ROBO2: variants seen among roughly 807,000 people sequenced by gnomAD.
ROBO2 encodes the protein roundabout homolog 2.
Under a neutral mutation model 160.8 loss-of-function variants are expected in ROBO2, and 53 were observed. The observed-to-expected ratio is 0.33, with a 90% CI of 0.26 to 0.41. The LOEUF (loss-of-function observed/expected upper bound fraction) is 0.41. Among genes scored for constraint, ROBO2 ranks in the 10% least tolerant of loss-of-function variants. ROBO2 has a pLI of 1.00. For missense variants in ROBO2, 1,577 were observed against 1,722.4 expected (o/e 0.92, Z 1.49); for synonymous variants, 664 against 611.7 (o/e 1.09, Z -1.26).
intron 2 of ROBO2, among the ~76,000 whole-genome samples, chr3:75,956,279 G>A (rs1948720340): frequency 6.6e-6 from 1 of 151,832 alleles, no homozygotes; most frequent in South Asian, 2.1e-4. Flanking sequence ...TATGTACTCT[G>A]TGTCCGTCCT....
At chr3:76,520,484 T>C (rs2081552098) in intron 2 of ROBO2, among the ~76,000 whole-genome samples, 1 of 152,130 alleles carries the variant, frequency 6.6e-6, no homozygotes, top group South Asian at 2.1e-4. Flanking sequence ...TGATAAGTAG[T>C]ATAGCATCCT....
chr3:77,469,831 C>A (rs907876762), intron 2 of ROBO2, among the ~76,000 whole-genome samples: 1 of 152,160 alleles, frequency 6.6e-6, no homozygotes, highest in Non-Finnish European at 1.5e-5. Flanking sequence ...CAGCACACAT[C>A]TTGAAGGAGA....
At position 76,472,280 on chromosome 3, in the gene ROBO2, T is replaced by A. The variant is rs181110620; in HGVS notation, c.109+534678T>A. On this transcript the variant is annotated intron_variant, in intron 2 of 26. Transcript: ENST00000487694. ...AAATAATATGTGTTTATATATAAAG[T>A]CTCAAATATTTTTGTTGTTTTTAAA... Among the ~76,000 whole-genome samples, 6 of 152,266 alleles carry A rather than the reference T, an allele frequency of 3.9e-5. No individual in the cohort carries two copies. The East Asian group carries it at 1.2e-3, about 29-fold the overall frequency.
At chr3:76,169,100 G>A (rs952045946) in intron 2 of ROBO2, among the ~76,000 whole-genome samples, 7 of 152,026 alleles carry the variant, frequency 4.6e-5, no homozygotes, top group Non-Finnish European at 1.5e-5. Context: ...TATGCTGCTA[G>A]AAGAAATTCA....
intron 2 of ROBO2, among the ~76,000 whole-genome samples, chr3:77,455,353 T>C (rs1310393770): frequency 6.6e-6 from 1 of 152,224 alleles, no homozygotes; most frequent in African/African-American, 2.4e-5. Flanking sequence ...GGAAAAATTA[T>C]GACACTAAAA....
intron 1 of ROBO2, among the ~76,000 whole-genome samples, chr3:77,078,096 T>G (rs367936069): frequency 2.6e-5 from 4 of 152,258 alleles, no homozygotes; most frequent in African/African-American, 9.6e-5. Flanking sequence ...TTGACTACAT[T>G]TTATTTCCAC....
intron 2 of ROBO2, among the ~76,000 whole-genome samples, chr3:76,453,105 T>A (rs1001553648): frequency 9.2e-5 from 14 of 151,668 alleles, no homozygotes; most frequent in African/African-American, 3.4e-4. Context: ...GTTGCAAAAA[T>A]TTTCTCCCAT....
chr3:76,819,608 G>A (rs2065949307), intron 2 of ROBO2, among the ~76,000 whole-genome samples: 1 of 151,954 alleles, frequency 6.6e-6, no homozygotes, highest in Non-Finnish European at 1.5e-5. Flanking sequence ...AACATGGCAG[G>A]CATTCATTGT....
In ROBO2 at chr3:76,588,638, C is replaced by T. The variant is rs1457919301; in HGVS notation, c.110-509376C>T. Among the ~76,000 whole-genome samples the T allele has an allele frequency of 3.9e-5, 6 of 152,182 alleles. No homozygotes were observed. The East Asian group carries it at 7.7e-4, about 20-fold the overall frequency. ...ATAGTGTTATTTAATATAAAGATGTCTTATGTAGAGGCATTCAATGTGATA... is the reference window on the plus strand; with the variant it reads ...ATAGTGTTATTTAATATAAAGATGTTTTATGTAGAGGCATTCAATGTGATA... On this transcript the variant is annotated intron_variant, in intron 2 of 26. Coordinates refer to the ROBO2 transcript ENST00000487694.
At chr3:76,231,577 T>C (rs1308384777) in intron 2 of ROBO2, among the ~76,000 whole-genome samples, 3 of 152,204 alleles carry the variant, frequency 2.0e-5, no homozygotes, top group Non-Finnish European at 4.4e-5. Flanking sequence ...TATTATGAGA[T>C]TGGGATTTGG....
At chr3:76,325,011 A>T (rs1382999492) in intron 2 of ROBO2, among the ~76,000 whole-genome samples, 1 of 152,200 alleles carries the variant, frequency 6.6e-6, no homozygotes, top group Non-Finnish European at 1.5e-5. Context: ...AGGCTGAGGC[A>T]GGAGAATGGC....
rs1244176672 is a variant in ROBO2, at chr3:77,598,031, T to C, written c.2854+1281T>C. 2.6e-5 allele frequency among the ~76,000 whole-genome samples: 4 copies of C among 151,956 alleles called. No homozygotes were observed. The East Asian group carries it at 7.8e-4, about 29-fold the overall frequency. Reference sequence around the variant, plus strand: ...TGAAGAATGGAGTAACGGTAGAAAATTGGAGTGATTAATTAGAATAGTGCT... The same window carrying C: ...TGAAGAATGGAGTAACGGTAGAAAACTGGAGTGATTAATTAGAATAGTGCT... On this transcript the variant is annotated intron_variant, in intron 19 of 25. Coordinates refer to ENST00000461745, the Ensembl canonical transcript of ROBO2.
chr3:77,541,609 G>A (rs2092464426), intron 6 of ROBO2, among the ~76,000 whole-genome samples: 1 of 152,102 alleles, frequency 6.6e-6, no homozygotes, highest in African/African-American at 2.4e-5. Context: ...TTTCCTTATA[G>A]AGCTATTGTT....
chr3:77,076,566 T>C (rs2068031096), intron 1 of ROBO2, among the ~76,000 whole-genome samples: 1 of 152,136 alleles, frequency 6.6e-6, no homozygotes, highest in African/African-American at 2.4e-5. Context: ...AAGCTATGTC[T>C]CACCAACCAC....
chr3:76,827,543 G>A (rs2066693342), intron 2 of ROBO2, among the ~76,000 whole-genome samples: 1 of 152,094 alleles, frequency 6.6e-6, no homozygotes, highest in African/African-American at 2.4e-5. Flanking sequence ...GGAAACAGAA[G>A]TATAGAAAGT....
chr3:76,980,063 A>AGG (rs2060018153), intron 2 of ROBO2, among the ~76,000 whole-genome samples: 1 of 152,190 alleles, frequency 6.6e-6, no homozygotes, highest in Non-Finnish European at 1.5e-5. Flanking sequence ...ACCATACTGC[A>AGG]GGAAATAACT....
chr3:76,636,090 A>AT (rs2090315293), intron 2 of ROBO2, among the ~76,000 whole-genome samples: 1 of 152,214 alleles, frequency 6.6e-6, no homozygotes, highest in African/African-American at 2.4e-5. Context: ...ACATGATACT[A>AT]TTTCATCATA....
At chr3:76,112,808 C>G (rs1160559729) in intron 2 of ROBO2, among the ~76,000 whole-genome samples, 5 of 151,882 alleles carry the variant, frequency 3.3e-5, no homozygotes, top group Admixed American at 6.6e-5. Flanking sequence ...AATGAAAATG[C>G]TATAATTTCA....
intron 2 of ROBO2, among the ~76,000 whole-genome samples, chr3:75,947,567 C>T (rs1201960970): frequency 6.6e-6 from 1 of 152,082 alleles, no homozygotes; most frequent in Admixed American, 6.6e-5. Flanking sequence ...GACTCCTGAT[C>T]TAGATGAAAC....
Sources: gnomAD v4.1 joint callset for allele counts (sites outside exome capture counted in the v4.1 genomes callset) on GRCh38, gnomAD v4.1.1 for gene constraint, MANE v1.5 for transcripts, NCBI Gene and HGNC (gene_info 2026-07-23, HGNC 2026-07-21) for gene names.